Variants in ZNF267 observed in about 807,000 individuals in gnomAD.
ZNF267 encodes zinc finger (C2H2).
A neutral mutation model predicts 71.6 loss-of-function variants in ZNF267; 61 were observed. The observed-to-expected ratio is 0.85, with a 90% CI of 0.69 to 1.05. The LOEUF (loss-of-function observed/expected upper bound fraction) is 1.05. ZNF267 is among the 50% of genes least tolerant of loss of function. The pLI, the probability that ZNF267 is intolerant of heterozygous loss-of-function variation, is 0.00. For synonymous variants in ZNF267, 288 were observed against 293.2 expected, an observed-to-expected ratio of 0.98 and a Z score of 0.18; for missense variants, 852 against 870.0, an observed-to-expected ratio of 0.98 and a Z score of 0.26.
At chr16:31,908,101 T>C (rs1389115908) in intron 3 of ZNF267, among the ~76,000 whole-genome samples, 1 of 151,970 alleles carries the variant, frequency 6.6e-6, no homozygotes, top group African/African-American at 2.4e-5. Context: ...ATGCCTGTAG[T>C]TTTAGGTACT....
chr16:31,915,298 G>A lies in ZNF267; in HGVS notation c.1049G>A (p.Cys350Tyr), dbSNP rs3850114. Reference sequence around the variant, plus strand: ...ATCATTCCTACCGAAGAGAAACCCTGTAAATGGAAAGAATGTGGCAAGGTC... The same window carrying A: ...ATCATTCCTACCGAAGAGAAACCCTATAAATGGAAAGAATGTGGCAAGGTC... ...HQIIPTEEKP[C>Y]KWKECGKVFN... is the part of the protein sequence containing the mutation. The change falls in exon 4 of 4, where the codon TGT becomes TAT. Residue 350 changes from cysteine (C) to tyrosine (Y), a missense_variant. By Grantham distance (194) the Cys-to-Tyr change is radical. Transcript: ENST00000300870. The A allele has an allele frequency of 0.95, 1,536,324 of 1,613,886 alleles. 736,465 individuals are homozygous for A. The highest frequency in any genetic ancestry group is 1 in the East Asian group (44,837 of 44,838).
rs1345728762 is a variant in ZNF267, at chr16:31,903,914, G to A, written c.227-10562G>A. On this transcript the variant is annotated intron_variant, in intron 3 of 3. Transcript: ENST00000300870. Reference sequence around the variant, plus strand: ...TTTTAGATCTTTCCTGCTTTCTCTTGTGGGCATTTAGTGCTATAAATTTCC... The same window carrying A: ...TTTTAGATCTTTCCTGCTTTCTCTTATGGGCATTTAGTGCTATAAATTTCC... Among the ~76,000 whole-genome samples the A allele has an allele frequency of 5.9e-5, 9 of 152,228 alleles. No individual in the cohort carries two copies. The South Asian group carries it at 1.2e-3, about 21-fold the overall frequency.
At position 31,915,506 on chromosome 16, in the gene ZNF267, T is replaced by A. The variant is rs1247245588; in HGVS notation, c.1257T>A (p.Cys419Ter). ...KCKECGKAFR[C>*]SSYLTKHKRI... ...AAGAATGTGGCAAAGCCTTTCGCTG[T>A]AGTTCATACCTTACTAAACATAAGC... The change falls in exon 4 of 4, where the codon TGT (cysteine) becomes TGA (stop). Residue 419 changes from cysteine (C) to a stop codon, truncating the protein, a stop_gained. Transcript: ENST00000300870. LOFTEE classifies it high-confidence loss of function. 1 of 1,613,504 alleles carries A rather than the reference T, an allele frequency of 6.2e-7. No individual in the cohort carries two copies. Among genetic ancestry groups the A allele is most frequent in the Admixed American group, 1.7e-5 (1 of 59,966 alleles).
At chr16:31,885,332 G>A (rs2083917162) in intron 3 of ZNF267, 76 bp downstream of exon 3, 2 of 1,290,366 alleles carry the variant, frequency 1.5e-6, no homozygotes, top group African/African-American at 3.0e-5. Context: ...CTTGAAGTGT[G>A]GATTGGGAAG....
At position 31,916,535 on chromosome 16, in the gene ZNF267, T is replaced by A; in HGVS notation, c.*54T>A. 6.6e-7 allele frequency: 1 copy of A among 1,511,112 alleles called. No homozygotes were observed. The highest frequency in any genetic ancestry group is 8.9e-7 in the Non-Finnish European group (1 of 1,118,966). The allele number at this position is 1,511,112 out of a possible 1,614,324, so 93.6% of individuals were successfully genotyped here. On this transcript the variant is annotated 3_prime_UTR_variant, in exon 4 of 4. Transcript: ENST00000300870. ...CTTGTTACCCATGTCTTATTGTGCA[T>A]CAGATAATTTATATGGGAGTGAAAC... is the stretch of plus-strand genomic sequence containing the variant.
At chr16:31,874,371 C>T (rs1211916432) in intron 1 of ZNF267, 1 of 181,326 alleles carries the variant, frequency 5.5e-6, no homozygotes, top group Admixed American at 6.1e-5. Context: ...AAGGGAGTCA[C>T]TGTTAAAACG....
chr16:31,894,865 T>G (rs1029659160), intron 3 of ZNF267: 9 of 416,174 alleles, frequency 2.2e-5, no homozygotes, highest in South Asian at 1.1e-4. Flanking sequence ...TTGAGCTGTC[T>G]CTGCAAGGAA....
intron 3 of ZNF267, among the ~76,000 whole-genome samples, chr16:31,886,016 A>G (rs931125809): frequency 6.6e-6 from 1 of 152,226 alleles, no homozygotes; most frequent in Non-Finnish European, 1.5e-5. Flanking sequence ...GTTGCCTTGT[A>G]TCTTAATAAC....
At chr16:31,903,774 TTC>T (rs1464344807) in intron 3 of ZNF267, among the ~76,000 whole-genome samples, 1 of 152,132 alleles carries the variant, frequency 6.6e-6, no homozygotes, top group Non-Finnish European at 1.5e-5. Flanking sequence ...GGTTTTTTGT[TTC>T]TCTGTTTCCT....
intron 3 of ZNF267, among the ~76,000 whole-genome samples, chr16:31,905,423 C>A (rs1468817922): frequency 6.6e-6 from 1 of 152,192 alleles, no homozygotes; most frequent in African/African-American, 2.4e-5. Flanking sequence ...TCAGGTACAC[C>A]AATGAGACGT....
chr16:31,876,667 A>G (rs973540125), intron 1 of ZNF267, among the ~76,000 whole-genome samples: 1 of 152,252 alleles, frequency 6.6e-6, no homozygotes, highest in African/African-American at 2.4e-5. Flanking sequence ...CTGTTGAGGT[A>G]TAAATTATAA....
In ZNF267 at chr16:31,914,727, T is replaced by A; in HGVS notation, c.478T>A (p.Tyr160Asn). Residue 160 changes from tyrosine (Y) to asparagine (N), a missense_variant, in exon 4 of 4, where the codon TAT (tyrosine) becomes AAT (asparagine). Transcript: ENST00000300870. ...QQILSSCAKSYNFDQYRKVFT... is the reference protein window; with the variant it reads ...QQILSSCAKSNNFDQYRKVFT... ...AATACTTTCTTCTTGTGCCAAAAGC[T>A]ATAACTTTGATCAATATAGGAAGGT... 6.2e-7 allele frequency: 1 copy of A among 1,614,162 alleles called. No individual in the cohort carries two copies. Among genetic ancestry groups the A allele is most frequent in the Non-Finnish European group, 8.5e-7 (1 of 1,180,016 alleles).
intron 3 of ZNF267, among the ~76,000 whole-genome samples, chr16:31,892,696 A>G (rs4026653): frequency 0.88 from 133,864 of 152,292 alleles, 60,360 homozygotes; most frequent in East Asian, 1. Flanking sequence ...ATGCAAGTCC[A>G]AAATCCAGCA....
rs892491626 is a variant in ZNF267 at position 31,917,134 on chromosome 16, G to C, written c.*653G>C. ...CTTTTCCTTAATCCGTGGTGTTCAT[G>C]TGAAAATATGTGTTCTGTTTTTTTT... is the stretch of plus-strand genomic sequence containing the variant. On this transcript the variant is annotated 3_prime_UTR_variant, in exon 4 of 4. Coordinates refer to ENST00000300870, the MANE Select transcript of ZNF267 (RefSeq NM_003414.6). The C allele has an allele frequency of 6.6e-6, 1 of 152,010 alleles. No individual in the cohort carries two copies. The highest frequency in any genetic ancestry group is 1.5e-5 in the Non-Finnish European group (1 of 68,006). 9.4% of individuals were successfully genotyped at this position (152,010 alleles called of 1,614,324 possible). A position where few individuals can be genotyped will look rare whatever the true frequency, so the allele number is the denominator to read the frequency against.
intron 3 of ZNF267, among the ~76,000 whole-genome samples, chr16:31,887,251 C>CT (rs760504639): frequency 1.7e-3 from 220 of 130,012 alleles, no homozygotes; most frequent in East Asian, 4.0e-3. Flanking sequence ...GTCAGATTTA[C>CT]TTTTTTTTTT....
intron 3 of ZNF267, among the ~76,000 whole-genome samples, chr16:31,886,036 A>G (rs1429840284): frequency 3.3e-5 from 5 of 152,194 alleles, no homozygotes; most frequent in Admixed American, 2.6e-4. Context: ...CTATCATTCT[A>G]TAATTTTGTC....
chr16:31,885,482 T>G (rs1245027033), intron 3 of ZNF267, among the ~76,000 whole-genome samples: 1 of 152,232 alleles, frequency 6.6e-6, no homozygotes, highest in Non-Finnish European at 1.5e-5. Context: ...ATATTCACAG[T>G]GACAGCCAAA....
rs781266280 is a variant in ZNF267, at chr16:31,915,895, A to C, written c.1646A>C (p.Lys549Thr). 3.7e-6 allele frequency: 6 copies of C among 1,613,694 alleles called. No individual in the cohort carries two copies. Among genetic ancestry groups the C allele is most frequent in the East Asian group, 2.2e-5 (1 of 44,872 alleles). The change falls in exon 4 of 4, where the codon AAA becomes ACA. Residue 549 changes from lysine (K) to threonine (T), a missense_variant. By Grantham distance (78) the Lys-to-Thr change is moderately conservative. Transcript: ENST00000300870. ...ATTCATACTGGAGAGAAACCCTATA[A>C]ATGTAAAGAATGTGGCAAAGCCTTT... is the stretch of plus-strand genomic sequence containing the variant. ...ERIHTGEKPY[K>T]CKECGKAFPY...
intron 3 of ZNF267, among the ~76,000 whole-genome samples, chr16:31,902,902 C>T (rs544636222): frequency 6.6e-6 from 1 of 152,098 alleles, no homozygotes; most frequent in Non-Finnish European, 1.5e-5. Flanking sequence ...CAGTTTTTGT[C>T]CATTCAGTGT....
Sources: gnomAD v4.1 joint callset for allele counts (sites outside exome capture counted in the v4.1 genomes callset) on GRCh38, gnomAD v4.1.1 for gene constraint, MANE v1.5 for transcripts, NCBI Gene and HGNC (gene_info 2026-07-23, HGNC 2026-07-21) for gene names.